The following ANKRD30B variants were observed in gnomAD, a reference collection of about 807,000 sequenced individuals.
The protein encoded by ANKRD30B is ankyrin repeat domain 30B.
ANKRD30B carries 144 observed loss-of-function variants against 202.2 expected under a neutral mutation model. That is an observed-to-expected ratio of 0.71 (90% CI 0.62 to 0.82). The LOEUF (loss-of-function observed/expected upper bound fraction) is 0.82. Ranked by LOEUF, ANKRD30B falls within the 40% of genes least tolerant of loss-of-function variation. The pLI is 0.00. For synonymous variants in ANKRD30B, 508 were observed against 561.3 expected, an observed-to-expected ratio of 0.91 and a Z score of 1.34; for missense variants, 1,487 against 1,669.1, an observed-to-expected ratio of 0.89 and a Z score of 1.90.
At chr18:14,773,373 T>C (rs893027157) in intron 9 of ANKRD30B, among the ~76,000 whole-genome samples, 5 of 151,830 alleles carry the variant, frequency 3.3e-5, no homozygotes, top group Admixed American at 1.3e-4. Flanking sequence ...TTTTAAGAGG[T>C]TTTCAATGTG....
the ANKRD30B span, among the ~76,000 whole-genome samples, chr18:14,872,487 T>C: frequency 6.6e-6 from 1 of 152,194 alleles, no homozygotes; most frequent in Non-Finnish European, 1.5e-5. Flanking sequence ...TAACAATTTA[T>C]TGAGAACCTG....
intron 34 of ANKRD30B, among the ~76,000 whole-genome samples, chr18:14,836,950 G>A (rs893179655): frequency 6.6e-6 from 1 of 151,946 alleles, no homozygotes; most frequent in African/African-American, 2.4e-5. Context: ...GACTTAAATT[G>A]TAGAACTGGT....
the ANKRD30B span, among the ~76,000 whole-genome samples, chr18:14,919,987 G>A: frequency 1.3e-5 from 2 of 152,154 alleles, no homozygotes; most frequent in Non-Finnish European, 2.9e-5. Flanking sequence ...CCTCTGAACT[G>A]TGCCTCATCC....
chr18:14,877,367 A>C, the ANKRD30B span, among the ~76,000 whole-genome samples: 4 of 151,958 alleles, frequency 2.6e-5, no homozygotes, highest in Non-Finnish European at 4.4e-5. Flanking sequence ...GGACACATCA[A>C]TTCTAGTTGA....
At chr18:14,796,451 AG>A in intron 18 of ANKRD30B, 36 bp downstream of exon 18, 1 of 1,522,880 alleles carries the variant, frequency 6.6e-7, no homozygotes, top group Non-Finnish European at 8.8e-7. Context: ...TCTGTAATTA[AG>A]AATATTAAAC....
chr18:14,896,344 G>C, the ANKRD30B span, among the ~76,000 whole-genome samples: 2 of 152,046 alleles, frequency 1.3e-5, no homozygotes, highest in South Asian at 2.1e-4. Context: ...TGTTAGCCAG[G>C]ATGGTCTCGA....
At chr18:14,875,574 G>T in the ANKRD30B span, among the ~76,000 whole-genome samples, 1 of 152,182 alleles carries the variant, frequency 6.6e-6, no homozygotes, top group Non-Finnish European at 1.5e-5. Flanking sequence ...TGGACAGCAG[G>T]TGCTGTCACT....
In ANKRD30B at chr18:14,811,458, A is replaced by C. The variant is rs1969918564; in HGVS notation, c.2488+1278A>C. ...GACCTGCTGACCTTGTAATCCACCC[A>C]CCTCGGCCTCCTAAAGTGCTGGGAT... On this transcript the variant is annotated intron_variant, in intron 28 of 43. Transcript: ENST00000690538. Among the ~76,000 whole-genome samples the C allele has an allele frequency of 1.3e-5, 2 of 150,448 alleles. 1 individual carries two copies. Among genetic ancestry groups the C allele is most frequent in the South Asian group, 4.3e-4 (2 of 4,674 alleles).
the ANKRD30B span, among the ~76,000 whole-genome samples, chr18:14,874,649 C>T: frequency 2.0e-5 from 3 of 152,090 alleles, no homozygotes; most frequent in Non-Finnish European, 4.4e-5. Context: ...AAGTGGTTAG[C>T]AGGGACCAGA....
the ANKRD30B span, among the ~76,000 whole-genome samples, chr18:14,918,746 C>A: frequency 2.5e-4 from 38 of 152,288 alleles, no homozygotes; most frequent in African/African-American, 8.4e-4. Context: ...AGTAAACAAC[C>A]TATTATTTAT....
intron 4 of ANKRD30B, among the ~76,000 whole-genome samples, chr18:14,755,402 TTTA>T (rs1410848808): frequency 2.0e-5 from 3 of 152,210 alleles, no homozygotes; most frequent in Non-Finnish European, 4.4e-5. Context: ...AATTTCTTTT[TTTA>T]TTATTATTAT....
the ANKRD30B span, among the ~76,000 whole-genome samples, chr18:14,886,483 C>T: frequency 2.0e-5 from 3 of 151,824 alleles, no homozygotes; most frequent in Non-Finnish European, 4.4e-5. Flanking sequence ...ATTTATACTA[C>T]CAGGAATGGA....
chr18:14,769,090 A>G (rs1916696333), intron 7 of ANKRD30B, among the ~76,000 whole-genome samples: 1 of 152,198 alleles, frequency 6.6e-6, no homozygotes, highest in African/African-American at 2.4e-5. Flanking sequence ...AAGTGTTGGA[A>G]TATTATGCTT....
At chr18:14,865,260 C>T in the ANKRD30B span, among the ~76,000 whole-genome samples, 1 of 151,904 alleles carries the variant, frequency 6.6e-6, no homozygotes, top group Non-Finnish European at 1.5e-5. Flanking sequence ...CCTCTTTTCC[C>T]TCTCCATCTA....
the ANKRD30B span, among the ~76,000 whole-genome samples, chr18:14,921,951 C>T: frequency 2.0e-5 from 3 of 152,198 alleles, no homozygotes; most frequent in Non-Finnish European, 2.9e-5. Flanking sequence ...AATTTAACAA[C>T]TATCTATACA....
At chr18:14,917,158 A>G in the ANKRD30B span, among the ~76,000 whole-genome samples, 1 of 152,178 alleles carries the variant, frequency 6.6e-6, no homozygotes, top group Admixed American at 6.5e-5. Context: ...CCCAGTGCCT[A>G]CTGCAGGCTA....
the ANKRD30B span, among the ~76,000 whole-genome samples, chr18:14,910,491 A>G: frequency 2.0e-5 from 3 of 150,102 alleles, no homozygotes; most frequent in Admixed American, 6.7e-5. Flanking sequence ...AAAAATATAT[A>G]TATATATATA....
chr18:14,805,386 A>G (rs575000303), intron 24 of ANKRD30B, among the ~76,000 whole-genome samples: 37 of 151,136 alleles, frequency 2.4e-4, no homozygotes, highest in Non-Finnish European at 4.3e-4. Flanking sequence ...GGCCAATTAA[A>G]TTTGCTGTTC....
At chr18:14,808,614 C>G in intron 25 of ANKRD30B, 35 bp downstream of exon 25, 2 of 1,573,160 alleles carry the variant, frequency 1.3e-6, no homozygotes, top group East Asian at 4.5e-5. Context: ...TGAATATTAA[C>G]TACATATTTT....
Sources: allele counts gnomAD v4.1 joint callset (sites outside exome capture counted in the v4.1 genomes callset), GRCh38; gene constraint gnomAD v4.1.1; transcripts MANE v1.5; gene names NCBI Gene and HGNC (gene_info 2026-07-23, HGNC 2026-07-21).